The following ROBO1 variants were observed in gnomAD, a reference collection of about 807,000 sequenced individuals.
The protein encoded by ROBO1 is roundabout homolog 1.
ROBO1 carries 149 observed loss-of-function variants against 195.9 expected under a neutral mutation model. The observed-to-expected ratio is 0.76, with a 90% CI of 0.67 to 0.87. The LOEUF (loss-of-function observed/expected upper bound fraction) is 0.87. Among genes scored for constraint, ROBO1 ranks in the 40% least tolerant of loss-of-function variants. ROBO1 has a pLI of 0.00. For missense variants in ROBO1, 1,933 were observed against 2,068.3 expected (o/e 0.93, Z 1.27); for synonymous variants, 816 against 733.2 (o/e 1.11, Z -1.82).
At chr3:79,636,489 T>C (rs538041625) in intron 1 of ROBO1, among the ~76,000 whole-genome samples, 2 of 152,180 alleles carry the variant, frequency 1.3e-5, no homozygotes, top group African/African-American at 4.8e-5. Flanking sequence ...TAGATTGCAA[T>C]CCCTAGAGGC....
intron 11 of ROBO1, among the ~76,000 whole-genome samples, chr3:78,668,889 T>A (rs1707892052): frequency 6.6e-6 from 1 of 152,178 alleles, no homozygotes; most frequent in African/African-American, 2.4e-5. Context: ...TTAATATTTA[T>A]GGCTAAGATA....
chr3:79,027,753 C>T (rs1037409138), intron 3 of ROBO1, among the ~76,000 whole-genome samples: 5 of 151,994 alleles, frequency 3.3e-5, no homozygotes, highest in Non-Finnish European at 5.9e-5. Flanking sequence ...TTGATCTAAT[C>T]TCATCTTCTC....
chr3:79,491,759 T>G (rs1431100075), intron 2 of ROBO1, among the ~76,000 whole-genome samples: 1 of 151,676 alleles, frequency 6.6e-6, no homozygotes, highest in Non-Finnish European at 1.5e-5. Flanking sequence ...GGTTACATTT[T>G]CTTAGAAAAT....
intron 2 of ROBO1, among the ~76,000 whole-genome samples, chr3:79,254,218 T>C (rs546323917): frequency 2.6e-5 from 4 of 152,322 alleles, no homozygotes; most frequent in South Asian, 2.1e-4. Context: ...AATAACATTA[T>C]GTTTGATATC....
intron 9 of ROBO1, among the ~76,000 whole-genome samples, chr3:78,686,562 A>C (rs2081057761): frequency 6.6e-6 from 1 of 152,098 alleles, no homozygotes; most frequent in South Asian, 2.1e-4. Flanking sequence ...CTCAAAAAAA[A>C]AAAAAAAAAT....
chr3:79,518,331 G>A (rs886826592), intron 2 of ROBO1, among the ~76,000 whole-genome samples: 15 of 152,058 alleles, frequency 9.9e-5, no homozygotes, highest in Non-Finnish European at 1.2e-4. Context: ...AAGGGGAAGG[G>A]AAGAAGACAA....
At chr3:78,836,790 G>GT (rs1329859078) in intron 4 of ROBO1, among the ~76,000 whole-genome samples, 2 of 152,026 alleles carry the variant, frequency 1.3e-5, no homozygotes, top group African/African-American at 4.8e-5. Context: ...TCTTTTTGGT[G>GT]TAAGAATGAA....
At chr3:79,288,921 G>C (rs192187174) in intron 2 of ROBO1, among the ~76,000 whole-genome samples, 4 of 151,774 alleles carry the variant, frequency 2.6e-5, no homozygotes, top group Admixed American at 2.6e-4. Flanking sequence ...ATAATTTAGC[G>C]GTCTTTTTTT....
At chr3:78,756,134 C>T (rs907385936) in intron 4 of ROBO1, among the ~76,000 whole-genome samples, 1 of 151,830 alleles carries the variant, frequency 6.6e-6, no homozygotes, top group African/African-American at 2.4e-5. Context: ...AATACAGACA[C>T]GTGACATACA....
chr3:79,291,125 T>G (rs1398419172), intron 2 of ROBO1, among the ~76,000 whole-genome samples: 1 of 152,222 alleles, frequency 6.6e-6, no homozygotes, highest in African/African-American at 2.4e-5. Flanking sequence ...GATAACTATT[T>G]TAATCCATTG....
intron 4 of ROBO1, among the ~76,000 whole-genome samples, chr3:78,928,592 G>A (rs373589317): frequency 6.6e-6 from 1 of 152,092 alleles, no homozygotes; most frequent in Non-Finnish European, 1.5e-5. Flanking sequence ...ACAGATTCTC[G>A]ATCCACTGGT....
intron 1 of ROBO1, among the ~76,000 whole-genome samples, chr3:79,713,632 C>A (rs550396897): frequency 3.9e-5 from 6 of 151,940 alleles, no homozygotes; most frequent in African/African-American, 1.4e-4. Context: ...CTTTTGTTGC[C>A]GTTGCTTTTG....
chr3:78,644,856 C>G (rs1706180888), intron 21 of ROBO1, among the ~76,000 whole-genome samples: 1 of 152,156 alleles, frequency 6.6e-6, no homozygotes, highest in Non-Finnish European at 1.5e-5. Context: ...CAAAGACACT[C>G]AAGAAGCACT....
intron 5 of ROBO1, among the ~76,000 whole-genome samples, chr3:78,740,365 TAATAA>T (rs1052446569): frequency 6.6e-6 from 1 of 151,768 alleles, no homozygotes; most frequent in African/African-American, 2.4e-5. Flanking sequence ...TATTTAAATT[TAATAA>T]AATAAAATTT....
chr3:78,846,495 T>G (rs2033680980), intron 4 of ROBO1, among the ~76,000 whole-genome samples: 1 of 152,098 alleles, frequency 6.6e-6, no homozygotes, highest in Non-Finnish European at 1.5e-5. Context: ...TCATCTTTAT[T>G]TTTCACGATG....
At chr3:79,615,880 G>A (rs946899507) in intron 1 of ROBO1, among the ~76,000 whole-genome samples, 41 of 152,104 alleles carry the variant, frequency 2.7e-4, no homozygotes, top group African/African-American at 9.9e-4. Context: ...TATCAACATG[G>A]CAGACTAGAG....
intron 4 of ROBO1, among the ~76,000 whole-genome samples, chr3:78,776,598 C>T (rs754673493): frequency 6.6e-6 from 1 of 152,088 alleles, no homozygotes; most frequent in Non-Finnish European, 1.5e-5. Context: ...TAGTGGCCTT[C>T]GATATGATTC....
At chr3:79,012,068 T>C (rs1324755629) in intron 3 of ROBO1, among the ~76,000 whole-genome samples, 5 of 152,146 alleles carry the variant, frequency 3.3e-5, no homozygotes, top group Non-Finnish European at 2.9e-5. Flanking sequence ...CTTGATACTT[T>C]CTGAAATCTA....
intron 2 of ROBO1, among the ~76,000 whole-genome samples, chr3:79,470,542 T>A (rs1240731934): frequency 3.3e-5 from 5 of 152,118 alleles, no homozygotes; most frequent in African/African-American, 4.8e-5. Context: ...TTTAAGGGAA[T>A]TGATGTGGTT....
Sources: allele counts gnomAD v4.1 joint callset (sites outside exome capture counted in the v4.1 genomes callset), GRCh38; gene constraint gnomAD v4.1.1; transcripts MANE v1.5; gene names NCBI Gene and HGNC (gene_info 2026-07-23, HGNC 2026-07-21).